Variants in TFPI observed in about 807,000 individuals in gnomAD.
TFPI encodes the protein tissue factor pathway inhibitor, also known as anti-convertin.
A neutral mutation model predicts 34.6 loss-of-function variants in TFPI; 15 were observed. That is an observed-to-expected ratio of 0.43 (90% CI 0.29 to 0.67). TFPI has a LOEUF of 0.67. Ranked by LOEUF, TFPI falls within the 30% of genes least tolerant of loss-of-function variation. The pLI, the probability that TFPI is intolerant of heterozygous loss-of-function variation, is 0.15. For missense variants in TFPI, 301 were observed against 364.0 expected (o/e 0.83, Z 1.41); for synonymous variants, 105 against 120.1 (o/e 0.87, Z 0.82).
chr2:187,530,456 A>G (rs1687903237), intron 1 of TFPI, among the ~76,000 whole-genome samples: 1 of 152,226 alleles, frequency 6.6e-6, no homozygotes, highest in Non-Finnish European at 1.5e-5. Context: ...GACATTCCCA[A>G]TGGCAGCAGA....
At chr2:187,546,282 GTTT>G (rs34692721) in intron 1 of TFPI, among the ~76,000 whole-genome samples, 17 of 135,114 alleles carry the variant, frequency 1.3e-4, no homozygotes, top group Middle Eastern at 3.9e-3. Flanking sequence ...AAATTTGTAA[GTTT>G]TTTTTTTTTT....
At chr2:187,540,917 A>G (rs1379933888) in intron 1 of TFPI, among the ~76,000 whole-genome samples, 3 of 151,644 alleles carry the variant, frequency 2.0e-5, no homozygotes, top group African/African-American at 7.3e-5. Flanking sequence ...AGAAAAAAGA[A>G]AAAAAAGAGA....
At chr2:187,469,449 T>C (rs1317363917) in intron 6 of TFPI, among the ~76,000 whole-genome samples, 1 of 152,058 alleles carries the variant, frequency 6.6e-6, no homozygotes, top group Non-Finnish European at 1.5e-5. Flanking sequence ...TTCTCCTATG[T>C]GGGGATTATA....
rs547002484 is a variant in TFPI, at chr2:187,534,123, G to C, written c.-3+20077C>G. ...GTACTTGAAAGTGACAGGGAGAATG[G>C]AAAGAAGTTGGAGAACACTCTTCAG... On this transcript the variant is annotated intron_variant, in intron 1 of 7. Transcript: ENST00000233156. 3.7e-4 allele frequency among the ~76,000 whole-genome samples: 57 copies of C among 152,290 alleles called. 1 individual carries two copies. The South Asian group carries it at 0.012, about 32-fold the overall frequency.
At chr2:187,549,073 A>G (rs1185602197) in intron 1 of TFPI, among the ~76,000 whole-genome samples, 1 of 152,130 alleles carries the variant, frequency 6.6e-6, no homozygotes, top group Non-Finnish European at 1.5e-5. Flanking sequence ...TTGACTAAAT[A>G]GCTTTGCTAA....
chr2:187,481,515 C>T (rs1692851582), intron 6 of TFPI, among the ~76,000 whole-genome samples: 1 of 151,926 alleles, frequency 6.6e-6, no homozygotes, highest in East Asian at 1.9e-4. Flanking sequence ...GGGGCAGATT[C>T]GAAATCACGT....
intron 6 of TFPI, among the ~76,000 whole-genome samples, chr2:187,472,461 GAA>G (rs1406478049): frequency 6.6e-6 from 1 of 152,058 alleles, no homozygotes; most frequent in Non-Finnish European, 1.5e-5. Context: ...ATTTTCCACT[GAA>G]ACTTTTCACA....
Position 187,466,948 on chromosome 2 carries a change from A to C in TFPI, c.903T>G (p.Val301=). The C allele has an allele frequency of 3.2e-6, 5 of 1,540,304 alleles. No homozygotes were observed. Among genetic ancestry groups the C allele is most frequent in the Non-Finnish European group, 4.4e-6 (5 of 1,124,228 alleles). Residue 301 remains valine (V), a synonymous_variant, in exon 8 of 8, where the codon GTT becomes GTG. Transcript: ENST00000233156. ...RVKIAYEEIF[V]KNM ...TGCTATAACAAATTCACATATTTTT[A>C]ACAAAAATTTCTTCATATGCTATTT...
chr2:187,469,117 A>G (rs932960976), intron 6 of TFPI, among the ~76,000 whole-genome samples: 1 of 152,026 alleles, frequency 6.6e-6, no homozygotes, highest in Non-Finnish European at 1.5e-5. Flanking sequence ...TGATATAAAC[A>G]TTTTTTACCA....
intron 1 of TFPI, among the ~76,000 whole-genome samples, chr2:187,540,050 A>T (rs13031268): frequency 6.6e-6 from 1 of 151,526 alleles, no homozygotes; most frequent in Non-Finnish European, 1.5e-5. Flanking sequence ...GCCCACCACC[A>T]CGCCTGGCTA....
chr2:187,495,157 T>G (rs1029405635), intron 3 of TFPI, among the ~76,000 whole-genome samples: 1 of 152,098 alleles, frequency 6.6e-6, no homozygotes, highest in Admixed American at 6.6e-5. Context: ...TCCCTAACCT[T>G]TAAAGAAAAG....
At chr2:187,491,861 C>G (rs578136642) in intron 3 of TFPI, among the ~76,000 whole-genome samples, 2 of 152,142 alleles carry the variant, frequency 1.3e-5, no homozygotes, top group South Asian at 4.1e-4. Context: ...TCTTCAACAT[C>G]TGTTATTTTT....
intron 1 of TFPI, chr2:187,516,404 T>C (rs1282468599): frequency 6.6e-6 from 1 of 152,228 alleles, no homozygotes; most frequent in East Asian, 1.9e-4. Flanking sequence ...ATAAAAATTA[T>C]AATAGTAATA....
chr2:187,545,035 C>T (rs924967954), intron 1 of TFPI, among the ~76,000 whole-genome samples: 5 of 152,050 alleles, frequency 3.3e-5, no homozygotes, highest in South Asian at 2.1e-4. Flanking sequence ...CGCTTGAACC[C>T]GGGAGGCGGA....
At chr2:187,538,380 A>G (rs1438112250) in intron 1 of TFPI, among the ~76,000 whole-genome samples, 1 of 152,238 alleles carries the variant, frequency 6.6e-6, no homozygotes, top group African/African-American at 2.4e-5. Context: ...TGTGGCACAT[A>G]TACACCATGG....
At chr2:187,516,832 G>C (rs1250312363) in intron 1 of TFPI, 1 of 152,186 alleles carries the variant, frequency 6.6e-6, no homozygotes, top group Non-Finnish European at 1.5e-5. Flanking sequence ...TCCCTTTCCT[G>C]TTCTGTTCCG....
chr2:187,533,556 C>A (rs1179631123), intron 1 of TFPI, among the ~76,000 whole-genome samples: 1 of 152,200 alleles, frequency 6.6e-6, no homozygotes, highest in East Asian at 1.9e-4. Context: ...AAACCCCACA[C>A]AAACGTCACC....
At position 187,521,796 on chromosome 2, in the gene TFPI, G is replaced by A. The variant is rs565387906; in HGVS notation, c.-2-18026C>T. Reference sequence around the variant, plus strand: ...GTTGGCCAGGCTGGTCTCCAACTGCGGACCTCATGATCCACCTGCCTCTGC... The same window carrying A: ...GTTGGCCAGGCTGGTCTCCAACTGCAGACCTCATGATCCACCTGCCTCTGC... On this transcript the variant is annotated intron_variant, in intron 1 of 7. Transcript: ENST00000233156. Among the ~76,000 whole-genome samples the A allele has an allele frequency of 3.0e-4, 46 of 152,002 alleles. 1 individual carries two copies. In the South Asian group the frequency reaches 7.5e-3, roughly 25 times the overall value.
intron 6 of TFPI, among the ~76,000 whole-genome samples, chr2:187,470,977 A>C (rs982524325): frequency 2.0e-5 from 3 of 152,238 alleles, no homozygotes; most frequent in Non-Finnish European, 2.9e-5. Context: ...CAGATCATTC[A>C]ACACAACAGA....
Sources: gnomAD v4.1 joint callset for allele counts (sites outside exome capture counted in the v4.1 genomes callset) on GRCh38, gnomAD v4.1.1 for gene constraint, MANE v1.5 for transcripts, NCBI Gene and HGNC (gene_info 2026-07-23, HGNC 2026-07-21) for gene names.